The following KRT39 variants were observed in gnomAD, a reference collection of about 807,000 sequenced individuals.
KRT39 encodes the protein keratin 39.
A neutral mutation model predicts 54.8 loss-of-function variants in KRT39; 47 were observed. The ratio of observed to expected loss-of-function variants is 0.86; its 90% CI spans 0.68 to 1.09. KRT39 has a LOEUF of 1.09. KRT39 is among the 50% of genes least tolerant of loss of function. The probability of loss-of-function intolerance (pLI) is 0.00; values close to 1 mark genes in which losing one functional copy is unlikely to be tolerated. For synonymous variants in KRT39, 207 were observed against 227.9 expected, an observed-to-expected ratio of 0.91 and a Z score of 0.83; for missense variants, 580 against 598.5, an observed-to-expected ratio of 0.97 and a Z score of 0.32.
chr17:40,965,705 G>C (rs543719138), intron 1 of KRT39, among the ~76,000 whole-genome samples: 1 of 152,234 alleles, frequency 6.6e-6, no homozygotes, highest in African/African-American at 2.4e-5. Context: ...GTTGAAAAAT[G>C]GATAAAAACT....
chr17:40,965,122 T>C (rs1256338825), intron 1 of KRT39, among the ~76,000 whole-genome samples: 2 of 151,286 alleles, frequency 1.3e-5, no homozygotes, highest in African/African-American at 4.9e-5. Flanking sequence ...GAGAATGGCA[T>C]GAACCCAGGA....
At chr17:40,961,271 A>T (rs142950188) in intron 5 of KRT39, among the ~76,000 whole-genome samples, 1 of 152,324 alleles carries the variant, frequency 6.6e-6, no homozygotes, top group East Asian at 1.9e-4. Flanking sequence ...TGAAAGTTGA[A>T]ACTGATGAGT....
At chr17:40,964,845 G>A (rs1220836342) in intron 1 of KRT39, among the ~76,000 whole-genome samples, 1 of 151,552 alleles carries the variant, frequency 6.6e-6, no homozygotes, top group African/African-American at 2.4e-5. Context: ...GGCGGATCAC[G>A]AGGTCAAGAG....
chr17:40,961,066 G>T (rs1911132501), intron 5 of KRT39, among the ~76,000 whole-genome samples: 1 of 151,684 alleles, frequency 6.6e-6, no homozygotes, highest in Non-Finnish European at 1.5e-5. Flanking sequence ...GGAGGTGGAG[G>T]TTGCAGTGAC....
At chr17:40,960,544 A>G (rs757586612) in intron 5 of KRT39, 43 bp from the exon 6 acceptor site, 1 of 1,472,834 alleles carries the variant, frequency 6.8e-7, no homozygotes, top group African/African-American at 1.4e-5. Flanking sequence ...GACTCCTTTA[A>G]GCCCAGGTCA....
At chr17:40,960,815 CTT>C (rs1000154345) in intron 5 of KRT39, 5 of 403,888 alleles carry the variant, frequency 1.2e-5, no homozygotes, top group Non-Finnish European at 2.2e-5. Flanking sequence ...AAAATAATAA[CTT>C]AATGCACACC....
At chr17:40,965,493 A>G (rs1340169342) in intron 1 of KRT39, among the ~76,000 whole-genome samples, 2 of 152,246 alleles carry the variant, frequency 1.3e-5, no homozygotes, top group South Asian at 2.1e-4. Context: ...AAGGTCACCA[A>G]TATTTTCCCA....
At chr17:40,964,294 A>G in intron 2 of KRT39, 152 bp downstream of exon 2, 1 of 689,708 alleles carries the variant, frequency 1.4e-6, no homozygotes. Context: ...TATTAATCTT[A>G]ATCATTCATT....
Position 40,966,890 on chromosome 17 carries a change from G to T in KRT39, c.-34C>A. On this transcript the variant is annotated 5_prime_UTR_variant, in exon 1 of 7. Transcript: ENST00000355612. ...TCTGGCTTTAGTTTGTTCCAGGTCTGTGGTCACCAGGATGAAAAGCTCAAG... is the reference window on the plus strand; with the variant it reads ...TCTGGCTTTAGTTTGTTCCAGGTCTTTGGTCACCAGGATGAAAAGCTCAAG... The T allele has an allele frequency of 6.7e-7, 1 of 1,491,344 alleles. No individual in the cohort carries two copies. Among genetic ancestry groups the T allele is most frequent in the Non-Finnish European group, 9.3e-7 (1 of 1,073,244 alleles). 92.4% of individuals were successfully genotyped at this position (1,491,344 alleles called of 1,614,324 possible).
At position 40,963,633 on chromosome 17, in the gene KRT39, G is replaced by T; in HGVS notation, c.702C>A (p.His234Gln). 2 of 1,605,434 alleles carry T rather than the reference G, an allele frequency of 1.2e-6. No homozygotes were observed. The highest frequency in any genetic ancestry group is 2.2e-5 in the South Asian group (2 of 90,504). Residue 234 changes from histidine (H) to glutamine (Q), a missense_variant, in exon 3 of 7, where the codon CAC (histidine) becomes CAA (glutamine). His to Gln is a conservative substitution (Grantham distance 24, BLOSUM62 0). Coordinates refer to ENST00000355612, the MANE Select transcript of KRT39 (RefSeq NM_213656.4). ...CTATTGGTCTTTGTCTCACCTCTTT[G>T]TGGTTGTTCTTGAGGCAAAGGAGCT... is the stretch of plus-strand genomic sequence containing the variant. ...KEELLCLKNN[H>Q]KEEINSLQCQ...
rs1349249865 is a variant in KRT39 at position 40,964,526 on chromosome 17, G to GATCTAGAAT, written c.469-7_470dup (p.Ile157_Leu158insPheTer). ...TGGAATTCTCGGCCTTGGTACACAAGATCTAGAATTAAGAGATTGTACACA... is the reference window on the plus strand; with the variant it reads ...TGGAATTCTCGGCCTTGGTACACAAGATCTAGAATATCTAGAATTAAGAGATTGTACACA... On this transcript the variant is annotated stop_gained and inframe_insertion and splice_region_variant, in exon 2 of 7. Transcript: ENST00000355612. LOFTEE classifies it high-confidence loss of function. 1 of 1,604,308 alleles carries GATCTAGAAT rather than the reference G, an allele frequency of 6.2e-7. No individual in the cohort carries two copies.
chr17:40,964,179 G>C, intron 2 of KRT39: 1 of 480,762 alleles, frequency 2.1e-6, no homozygotes, highest in Non-Finnish European at 3.7e-6. Context: ...TCACCTTAAA[G>C]AGAGTAACAA....
chr17:40,963,614 G>A lies in KRT39; in HGVS notation c.708+13C>T. The A allele has an allele frequency of 6.3e-7, 1 of 1,592,324 alleles. No individual in the cohort carries two copies. The highest frequency in any genetic ancestry group is 1.1e-5 in the South Asian group (1 of 89,528). ...GACTTAGCTTGTGATTACTCTATTG[G>A]TCTTTGTCTCACCTCTTTGTGGTTG... On this transcript the variant is annotated intron_variant, in intron 3 of 6. Coordinates refer to ENST00000355612, the MANE Select transcript of KRT39 (RefSeq NM_213656.4).
rs2143631948 is a variant in KRT39, at chr17:40,966,921, T to C, written c.-65A>G. 3.5e-6 allele frequency: 4 copies of C among 1,140,486 alleles called. No individual in the cohort carries two copies. In the East Asian group the frequency reaches 9.4e-5, roughly 27 times the overall value. 70.6% of individuals were successfully genotyped at this position (1,140,486 alleles called of 1,614,324 possible). On this transcript the variant is annotated 5_prime_UTR_variant, in exon 1 of 7. Coordinates refer to ENST00000355612, the MANE Select transcript of KRT39 (RefSeq NM_213656.4). ...ACCAGGATGAAAAGCTCAAGCCACCTCCACAGAGTCTGAATTCCAAGGCTC... is the reference window on the plus strand; with the variant it reads ...ACCAGGATGAAAAGCTCAAGCCACCCCCACAGAGTCTGAATTCCAAGGCTC...
Position 40,962,225 on chromosome 17 carries a change from C to A in KRT39, c.933G>T (p.Glu311Asp). 1 of 1,614,240 alleles carries A rather than the reference C, an allele frequency of 6.2e-7. No individual in the cohort carries two copies. The change falls in exon 5 of 7, where the codon GAG becomes GAT. Residue 311 changes from glutamate (E) to aspartate (D), a missense_variant. By Grantham distance (45) the Glu-to-Asp change is conservative. Transcript: ENST00000355612. Reference sequence around the variant, plus strand: ...TCACACTGCGTCTCAGTTCTATGATCTCCTTTTGGCAGCATTGCTGCTGTT... The same window carrying A: ...TCACACTGCGTCTCAGTTCTATGATATCCTTTTGGCAGCATTGCTGCTGTT... ...SSQQQQCCQK[E>D]IIELRRSVNT...
chr17:40,963,910 C>A (rs1220168003), intron 2 of KRT39, 127 bp from the exon 3 acceptor site: 2 of 651,306 alleles, frequency 3.1e-6, no homozygotes, highest in Admixed American at 2.9e-5. Flanking sequence ...AAGTTTTATT[C>A]TCTTTGGAGG....
intron 5 of KRT39, among the ~76,000 whole-genome samples, chr17:40,961,601 G>A (rs886997030): frequency 1.3e-5 from 2 of 152,182 alleles, no homozygotes; most frequent in Non-Finnish European, 2.9e-5. Context: ...CTTTGGATGA[G>A]TTTCTTAATG....
chr17:40,962,802 C>T (rs959189145), intron 3 of KRT39, among the ~76,000 whole-genome samples: 1 of 151,962 alleles, frequency 6.6e-6, no homozygotes, highest in African/African-American at 2.4e-5. Context: ...GACCAGAGTT[C>T]CAAAAAATTT....
chr17:40,960,405 G>A lies in KRT39; in HGVS notation c.1093C>T (p.Leu365=). The A allele has an allele frequency of 6.2e-7, 1 of 1,614,130 alleles. No homozygotes were observed. The highest frequency in any genetic ancestry group is 8.5e-7 in the Non-Finnish European group (1 of 1,180,020). The change falls in exon 6 of 7, where the codon CTG becomes TTG. Residue 365 remains leucine (L), a synonymous_variant. Coordinates refer to ENST00000355612, the MANE Select transcript of KRT39 (RefSeq NM_213656.4). ...TCCAGGGCACACCGGATCTCTGCCA[G>A]CTGAGCTTCCAGGTTATCAATCAGA... The part of the protein sequence containing the change: ...QSLIDNLEAQ[L]AEIRCALERQ...
Sources: allele counts gnomAD v4.1 joint callset (sites outside exome capture counted in the v4.1 genomes callset), GRCh38; gene constraint gnomAD v4.1.1; transcripts MANE v1.5; gene names NCBI Gene and HGNC (gene_info 2026-07-23, HGNC 2026-07-21).